The following ZNF611 variants were observed in gnomAD, a reference collection of about 807,000 sequenced individuals.
ZNF611 encodes the protein zinc finger protein 611.
Under a neutral mutation model 8.9 loss-of-function variants are expected in ZNF611, and 6 were observed. The observed-to-expected ratio is 0.68, with a 90% confidence interval of 0.37 to 1.34. The LOEUF (loss-of-function observed/expected upper bound fraction) is 1.34. Among genes scored for constraint, ZNF611 ranks in the 40% most tolerant of loss-of-function variants. The probability of loss-of-function intolerance (pLI) is 0.02; values close to 1 mark genes in which losing one functional copy is unlikely to be tolerated. For missense variants in ZNF611, 874 were observed against 841.3 expected (o/e 1.04, Z -0.48); for synonymous variants, 262 against 279.7 (o/e 0.94, Z 0.63).
intron 3 of ZNF611, among the ~76,000 whole-genome samples, chr19:52,716,844 G>A (rs1244555105): frequency 6.6e-6 from 1 of 152,118 alleles, no homozygotes; most frequent in Non-Finnish European, 1.5e-5. Flanking sequence ...ACCACTTGGG[G>A]TGAAGAGGTA....
rs1239310843 is a variant in ZNF611 at position 52,705,623 on chromosome 19, C to G, written c.1432G>C (p.Gly478Arg). 6.2e-7 allele frequency: 1 copy of G among 1,613,864 alleles called. No individual in the cohort carries two copies. Among genetic ancestry groups the G allele is most frequent in the Non-Finnish European group, 8.5e-7 (1 of 1,179,902 alleles). ...TCATTACACTTGTAAGGTTTTTCTC[C>G]ACAGTCAATTCTAGTATGTTTTGCC... ...QLAKHTRIDC[G>R]EKPYKCNECG... The change falls in exon 6 of 6, where the codon GGA (glycine) becomes CGA (arginine). Residue 478 changes from glycine to arginine, a missense_variant. Physicochemically the swap from Gly to Arg is moderately radical, Grantham distance 125. Transcript: ENST00000652185.
At chr19:52,713,304 A>C (rs1273506926) in intron 5 of ZNF611, among the ~76,000 whole-genome samples, 3 of 152,242 alleles carry the variant, frequency 2.0e-5, no homozygotes, top group Non-Finnish European at 4.4e-5. Context: ...TTCAACCTCA[A>C]AAGCTTCCTC....
chr19:52,716,724 A>G (rs866311976), intron 3 of ZNF611, among the ~76,000 whole-genome samples: 2 of 152,150 alleles, frequency 1.3e-5, no homozygotes, highest in Non-Finnish European at 2.9e-5. Context: ...CCTGACACAG[A>G]TGCATATCTG....
chr19:52,730,625 C>A (rs957408649), intron 1 of ZNF611, among the ~76,000 whole-genome samples: 11 of 151,860 alleles, frequency 7.2e-5, no homozygotes, highest in Non-Finnish European at 1.6e-4. Context: ...CCTCTTGTTG[C>A]CCAGGCTGGA....
chr19:52,713,524 G>A (rs796565443), intron 5 of ZNF611, among the ~76,000 whole-genome samples: 10 of 152,314 alleles, frequency 6.6e-5, no homozygotes, highest in African/African-American at 2.4e-4. Context: ...CTGCTGCTTA[G>A]AGAAGATGAT....
At chr19:52,733,640 A>G (rs1167638392) in intron 1 of ZNF611, among the ~76,000 whole-genome samples, 1 of 151,264 alleles carries the variant, frequency 6.6e-6, no homozygotes, top group Non-Finnish European at 1.5e-5. Flanking sequence ...TTCCCTCCCT[A>G]ATTCTGTACA....
At chr19:52,710,856 C>T (rs2062274637) in intron 5 of ZNF611, among the ~76,000 whole-genome samples, 1 of 152,054 alleles carries the variant, frequency 6.6e-6, no homozygotes, top group South Asian at 2.1e-4. Flanking sequence ...CTAGTAGAAA[C>T]TCCATCTCTG....
chr19:52,725,045 CCTCT>C (rs755182566), intron 3 of ZNF611, among the ~76,000 whole-genome samples: 12 of 152,038 alleles, frequency 7.9e-5, no homozygotes, highest in Admixed American at 1.3e-4. Context: ...TCTCTCAGTC[CCTCT>C]CTCTATCTCC....
chr19:52,709,552 G>A (rs917471380), intron 5 of ZNF611, among the ~76,000 whole-genome samples: 1 of 151,972 alleles, frequency 6.6e-6, no homozygotes, highest in Non-Finnish European at 1.5e-5. Flanking sequence ...TTACAGGCGT[G>A]AGCCACCATG....
In ZNF611 at chr19:52,706,120, A is replaced by G; in HGVS notation, c.935T>C (p.Val312Ala). The G allele has an allele frequency of 6.2e-7, 1 of 1,612,626 alleles. No homozygotes were observed. The highest frequency in any genetic ancestry group is 8.5e-7 in the Non-Finnish European group (1 of 1,179,580). ...ACACTCATTACAATTGTAACGTTTTACTCCAGTATGAAGTCTACGATGGCA... is the reference window on the plus strand; with the variant it reads ...ACACTCATTACAATTGTAACGTTTTGCTCCAGTATGAAGTCTACGATGGCA... ...LTCHRRLHTGVKRYNCNECGK... is the reference protein window; with the variant it reads ...LTCHRRLHTGAKRYNCNECGK... Residue 312 changes from valine (V) to alanine (A), a missense_variant, in exon 6 of 6, where the codon GTA (valine) becomes GCA (alanine). By Grantham distance (64) the Val-to-Ala change is moderately conservative. Transcript: ENST00000652185.
intron 3 of ZNF611, chr19:52,724,023 A>G (rs2062376068): frequency 6.6e-6 from 1 of 152,394 alleles, no homozygotes; most frequent in South Asian, 2.1e-4. Flanking sequence ...GTTTTACACC[A>G]AGATATTCCA....
chr19:52,706,923 A>T, intron 5 of ZNF611, 59 bp from the exon 6 acceptor site: 1 of 1,548,994 alleles, frequency 6.5e-7, no homozygotes, highest in Middle Eastern at 1.7e-4. Flanking sequence ...ATCACACTGA[A>T]GTGCATAAAT....
At chr19:52,722,222 T>A (rs899605511) in intron 3 of ZNF611, among the ~76,000 whole-genome samples, 16 of 151,476 alleles carry the variant, frequency 1.1e-4, no homozygotes, top group South Asian at 1.0e-3. Flanking sequence ...AAATAAAAAA[T>A]AAATAAATAA....
chr19:52,721,407 G>A (rs541308778), intron 3 of ZNF611: 86 of 168,514 alleles, frequency 5.1e-4, no homozygotes, highest in Non-Finnish European at 9.6e-4. Flanking sequence ...CACTGAGTGA[G>A]CAAGACTCCG....
rs189785674 is a variant in ZNF611, at chr19:52,733,462, G to C, written c.-222+1539C>G. Reference sequence around the variant, plus strand: ...AGTACAGGTGCACACCATTATGCCCGGTTATTTACTTACTTTTTTGGCGGG... The same window carrying C: ...AGTACAGGTGCACACCATTATGCCCCGTTATTTACTTACTTTTTTGGCGGG... On this transcript the variant is annotated intron_variant, in intron 1 of 5. Transcript: ENST00000652185. Among the ~76,000 whole-genome samples, 247 of 152,124 alleles carry C rather than the reference G, an allele frequency of 1.6e-3. 1 individual carries two copies. The highest frequency in any genetic ancestry group is 3.1e-3 in the African/African-American group (128 of 41,522).
chr19:52,707,005 CA>C, intron 5 of ZNF611, 141 bp from the exon 6 acceptor site: 2 of 1,361,596 alleles, frequency 1.5e-6, no homozygotes, highest in Non-Finnish European at 2.0e-6. Context: ...ACGAAAGGAG[CA>C]ATATTCTTTA....
At chr19:52,715,941 T>C (rs1211168887) in intron 3 of ZNF611, 28 bp from the exon 4 acceptor site, 2 of 1,610,074 alleles carry the variant, frequency 1.2e-6, no homozygotes, top group Admixed American at 1.7e-5. Flanking sequence ...TGAGACTTCA[T>C]GTTAGAAATG....
At chr19:52,706,890 T>G (rs776153182) in intron 5 of ZNF611, 26 bp from the exon 6 acceptor site, 4 of 1,592,946 alleles carry the variant, frequency 2.5e-6, no homozygotes, top group Non-Finnish European at 3.4e-6. Flanking sequence ...ACCAATACAT[T>G]TCCAATTAAG....
At chr19:52,726,367 G>A (rs1166413069) in intron 3 of ZNF611, among the ~76,000 whole-genome samples, 1 of 152,148 alleles carries the variant, frequency 6.6e-6, no homozygotes. Flanking sequence ...ACCCCCTCCC[G>A]CAGTGCTCTC....
Sources: allele counts gnomAD v4.1 joint callset (sites outside exome capture counted in the v4.1 genomes callset), GRCh38; gene constraint gnomAD v4.1.1; transcripts MANE v1.5; gene names NCBI Gene and HGNC (gene_info 2026-07-23, HGNC 2026-07-21).